IL31RA: variants seen among roughly 807,000 people sequenced by gnomAD.
The protein encoded by IL31RA is interleukin 31 receptor A.
IL31RA carries 66 observed loss-of-function variants against 83.7 expected under a neutral mutation model. That is an observed-to-expected ratio of 0.79 (90% CI 0.65 to 0.97). IL31RA has a LOEUF of 0.97. Among genes scored for constraint, IL31RA ranks in the 50% least tolerant of loss-of-function variants. The pLI is 0.00. For missense variants in IL31RA, 798 were observed against 919.4 expected (o/e 0.87, Z 1.71); for synonymous variants, 325 against 329.0 (o/e 0.99, Z 0.13).
chr5:55,854,828 C>T (rs191295331), intron 1 of IL31RA, among the ~76,000 whole-genome samples: 1 of 151,928 alleles, frequency 6.6e-6, no homozygotes, highest in Non-Finnish European at 1.5e-5. Context: ...ATATCTGTCT[C>T]ATTTACCTGA....
intron 2 of IL31RA, among the ~76,000 whole-genome samples, chr5:55,867,251 G>GTGTT (rs1453626663): frequency 1.2e-4 from 10 of 80,914 alleles, no homozygotes; most frequent in African/African-American, 4.6e-4. Context: ...GTGTTTGTGT[G>GTGTT]TGCGTGTGTT....
At position 55,913,492 on chromosome 5, in the gene IL31RA, T is replaced by A. The variant is rs368179574; in HGVS notation, c.1658T>A (p.Ile553Asn). The change falls in exon 13 of 15, where the codon ATC becomes AAC. Residue 553 changes from isoleucine (I) to asparagine (N), a missense_variant. By Grantham distance (149) the Ile-to-Asn change is moderately radical. Coordinates refer to ENST00000652347, the MANE Select transcript of IL31RA (RefSeq NM_139017.7). ...TTTTTCAAAGGTGTCTTTGAGATTATCCTCATAACTTCTCTGATTGGTGGA... is the reference window on the plus strand; with the variant it reads ...TTTTTCAAAGGTGTCTTTGAGATTAACCTCATAACTTCTCTGATTGGTGGA... ...KTLSFSVFEIILITSLIGGGL... is the reference protein window; with the variant it reads ...KTLSFSVFEINLITSLIGGGL... The A allele has an allele frequency of 1.2e-5, 20 of 1,612,128 alleles. No individual in the cohort carries two copies. Among genetic ancestry groups the A allele is most frequent in the Admixed American group, 1.7e-5 (1 of 60,010 alleles).
chr5:55,904,852 T>G (rs1749035030), intron 8 of IL31RA, among the ~76,000 whole-genome samples: 1 of 150,184 alleles, frequency 6.7e-6, no homozygotes, highest in African/African-American at 2.4e-5. Context: ...TTTTTTTTTT[T>G]GCAGGACACT....
At chr5:55,856,585 TG>T (rs1052699553) in intron 1 of IL31RA, among the ~76,000 whole-genome samples, 36 of 152,230 alleles carry the variant, frequency 2.4e-4, no homozygotes, top group Admixed American at 2.1e-3. Flanking sequence ...TTCTAATGCC[TG>T]GAAGGCTCAT....
Position 55,890,125 on chromosome 5 carries a change from T to C in IL31RA, c.762T>C (p.Thr254=). The C allele has an allele frequency of 6.2e-7, 1 of 1,613,818 alleles. No individual in the cohort carries two copies. Among genetic ancestry groups the C allele is most frequent in the Non-Finnish European group, 8.5e-7 (1 of 1,179,780 alleles). ...SDWSQEKMGM[T]EEEAPCGLEL... ...GGAGCCAAGAAAAAATGGGAATGAC[T>C]GAGGAAGAAGGCAAGCTACTCCCTG... Residue 254 remains threonine (T), a synonymous_variant, in exon 6 of 15, where the codon ACT becomes ACC. Transcript: ENST00000652347.
intron 1 of IL31RA, chr5:55,853,364 G>T: frequency 2.3e-6 from 3 of 1,324,562 alleles, no homozygotes; most frequent in Non-Finnish European, 1.9e-6. Context: ...GTGGGTAAGT[G>T]CCACTTTGAC....
At chr5:55,859,436 T>A in intron 1 of IL31RA, 73 bp from the exon 2 acceptor site, 2 of 1,050,384 alleles carry the variant, frequency 1.9e-6, no homozygotes, top group Non-Finnish European at 3.0e-6. Flanking sequence ...CCCCAGAATC[T>A]ATTTGCCATT....
intron 4 of IL31RA, among the ~76,000 whole-genome samples, chr5:55,879,592 C>T (rs1435581504): frequency 6.6e-6 from 1 of 151,558 alleles, no homozygotes; most frequent in Non-Finnish European, 1.5e-5. Flanking sequence ...ACCACCATAC[C>T]CAGCTATTTT....
chr5:55,862,822 A>G (rs1258644757), intron 2 of IL31RA, among the ~76,000 whole-genome samples: 1 of 152,152 alleles, frequency 6.6e-6, no homozygotes, highest in African/African-American at 2.4e-5. Flanking sequence ...CTTACTATTC[A>G]TGACCGTGGC....
intron 4 of IL31RA, among the ~76,000 whole-genome samples, chr5:55,874,952 A>AG (rs1216803857): frequency 1.3e-5 from 2 of 152,156 alleles, no homozygotes; most frequent in Non-Finnish European, 2.9e-5. Flanking sequence ...TCCTGATCTT[A>AG]GGGGGAAAGC....
Position 55,894,709 on chromosome 5 carries a change from T to C in IL31RA, c.773-1641T>C, listed in dbSNP as rs1748224616. On this transcript the variant is annotated intron_variant, in intron 6 of 14. Transcript: ENST00000652347. ...GTTGTCTTTAGCTGGAGTTCAGTTA[T>C]TTTACTTTTTTAAAAACAATTCTTT... Among the ~76,000 whole-genome samples the C allele has an allele frequency of 2.0e-5, 3 of 152,292 alleles. No individual in the cohort carries two copies. The South Asian group carries it at 6.2e-4, about 32-fold the overall frequency.
chr5:55,899,931 C>T lies in IL31RA; in HGVS notation c.868C>T (p.Pro290Ser). The change falls in exon 8 of 15, where the codon CCA becomes TCA. Residue 290 changes from proline (P) to serine (S), a missense_variant. Coordinates refer to ENST00000652347, the MANE Select transcript of IL31RA (RefSeq NM_139017.7). ...TTGGGTTCAGAAGGCAAGAGGAGCC[C>T]CAGTCCTAGAGAAAACACTTGGCTA... ...RLLWKKARGAPVLEKTLGYNI... is the reference protein window; with the variant it reads ...RLLWKKARGASVLEKTLGYNI... The T allele has an allele frequency of 6.2e-7, 1 of 1,613,968 alleles. No homozygotes were observed. The highest frequency in any genetic ancestry group is 8.5e-7 in the Non-Finnish European group (1 of 1,179,892).
rs183598574 is a variant in IL31RA at position 55,919,622 on chromosome 5, C to T, written c.*2502C>T. On this transcript the variant is annotated 3_prime_UTR_variant, in exon 15 of 15. Coordinates refer to ENST00000652347, the MANE Select transcript of IL31RA (RefSeq NM_139017.7). ...TTTCTTTTCATTCCTTTCTCCCCTTCCATCAGCCTCCTTTGATCATTTTCC... is the reference window on the plus strand; with the variant it reads ...TTTCTTTTCATTCCTTTCTCCCCTTTCATCAGCCTCCTTTGATCATTTTCC... Among the ~76,000 whole-genome samples, 116 of 152,288 alleles carry T rather than the reference C, an allele frequency of 7.6e-4. No homozygotes were observed. Among genetic ancestry groups the T allele is most frequent in the Non-Finnish European group, 1.3e-3 (87 of 68,016 alleles).
intron 4 of IL31RA, among the ~76,000 whole-genome samples, chr5:55,881,974 G>A (rs1351060458): frequency 6.6e-6 from 1 of 152,070 alleles, no homozygotes; most frequent in Non-Finnish European, 1.5e-5. Context: ...GCCTCCCAAA[G>A]TGCTGGGATT....
chr5:55,900,753 T>G (rs1288750384), intron 8 of IL31RA, among the ~76,000 whole-genome samples: 4 of 152,218 alleles, frequency 2.6e-5, no homozygotes. Flanking sequence ...GATTTCCTCT[T>G]TTCTCTCTTA....
intron 14 of IL31RA, 107 bp downstream of exon 14, chr5:55,915,035 A>G (rs932739802): frequency 2.4e-6 from 2 of 849,652 alleles, no homozygotes; most frequent in African/African-American, 3.3e-5. Flanking sequence ...GGTTCACATC[A>G]AGAGAACTGG....
intron 2 of IL31RA, 25 bp from the exon 3 acceptor site, chr5:55,868,766 G>A (rs1252848568): frequency 8.2e-7 from 1 of 1,216,684 alleles, no homozygotes; most frequent in Non-Finnish European, 1.2e-6. Flanking sequence ...TTGTGTTTGT[G>A]TGTGTGTGTG....
chr5:55,884,760 T>G (rs1010877593), intron 5 of IL31RA, among the ~76,000 whole-genome samples: 1 of 152,228 alleles, frequency 6.6e-6, no homozygotes, highest in African/African-American at 2.4e-5. Context: ...CAATTAAATC[T>G]TTAAGACTTT....
At chr5:55,906,432 C>A in intron 9 of IL31RA, 144 bp downstream of exon 9, 1 of 820,930 alleles carries the variant, frequency 1.2e-6, no homozygotes, top group Non-Finnish European at 2.0e-6. Context: ...TGAAGTGACA[C>A]GCTTCTTGGT....
Sources: gnomAD v4.1 joint callset for allele counts (sites outside exome capture counted in the v4.1 genomes callset) on GRCh38, gnomAD v4.1.1 for gene constraint, MANE v1.5 for transcripts, NCBI Gene and HGNC (gene_info 2026-07-23, HGNC 2026-07-21) for gene names.